Variants in DMAC2 observed in about 807,000 individuals in gnomAD.
The protein encoded by DMAC2 is distal membrane arm assembly component 2, also known as distal membrane-arm assembly complex protein 2.
A neutral mutation model predicts 29.6 loss-of-function variants in DMAC2; 32 were observed. The observed-to-expected ratio is 1.08, with a 90% CI of 0.81 to 1.45. The LOEUF (loss-of-function observed/expected upper bound fraction) is 1.45, where lower values mean the gene tolerates loss of function less well. Ranked by LOEUF, DMAC2 falls within the 40% of genes most tolerant of loss-of-function variation. DMAC2 has a pLI of 0.00. For synonymous variants in DMAC2, 133 were observed against 137.4 expected (o/e 0.97, Z 0.23); for missense variants, 319 against 340.0 (o/e 0.94, Z 0.49).
intron 3 of DMAC2, among the ~76,000 whole-genome samples, chr19:41,434,538 T>C (rs2122227097): frequency 1.3e-5 from 2 of 152,232 alleles, no homozygotes; most frequent in South Asian, 2.1e-4. Context: ...AAGGGACATT[T>C]TCAAACATGT....
In DMAC2 at chr19:41,432,202, A is replaced by C. The variant is rs1352483497; in HGVS notation, c.*29T>G. 6 of 1,600,766 alleles carry C rather than the reference A, an allele frequency of 3.7e-6. No homozygotes were observed. The highest frequency in any genetic ancestry group is 5.1e-6 in the Non-Finnish European group (6 of 1,171,560). On this transcript the variant is annotated 3_prime_UTR_variant, in exon 6 of 6. Transcript: ENST00000221943. ...AGACATTCCATGCAGCCCGCTGAGAAGCCACGTGAGTGGGGACAGGGCTAA... is the reference window on the plus strand; with the variant it reads ...AGACATTCCATGCAGCCCGCTGAGACGCCACGTGAGTGGGGACAGGGCTAA...
chr19:41,438,120 C>G, intron 2 of DMAC2, 98 bp downstream of exon 2: 5 of 1,142,584 alleles, frequency 4.4e-6, no homozygotes, highest in Non-Finnish European at 6.4e-6. Flanking sequence ...TCAAGGCTGG[C>G]ACTGGAAGCC....
chr19:41,439,333 TG>T lies in DMAC2; in HGVS notation c.18+548del, dbSNP rs1224015046. The T allele has an allele frequency of 3.8e-5, 22 of 575,104 alleles. No individual in the cohort carries two copies. In the African/African-American group the frequency reaches 4.2e-4, roughly 11 times the overall value. 35.6% of individuals were successfully genotyped at this position (575,104 alleles called of 1,614,324 possible). A position where few individuals can be genotyped will look rare whatever the true frequency, so the allele number is the denominator to read the frequency against. ...ATTCATTCCTTGATTTTAAATCCTC[TG>T]AAAGAATATCTCAAATTCTCCTCTT... On this transcript the variant is annotated intron_variant, in intron 1 of 5. Coordinates refer to ENST00000221943, the MANE Select transcript of DMAC2 (RefSeq NM_018035.3).
rs781877641 is a variant in DMAC2 at position 41,431,350 on chromosome 19, T to C, written c.*881A>G. The C allele has an allele frequency of 1.7e-5, 9 of 516,182 alleles. No homozygotes were observed. Among genetic ancestry groups the C allele is most frequent in the Non-Finnish European group, 3.5e-5 (9 of 257,814 alleles). 32.0% of individuals were successfully genotyped at this position (516,182 alleles called of 1,614,324 possible). A position where few individuals can be genotyped will look rare whatever the true frequency, so the allele number is the denominator to read the frequency against. ...AACAGGGAAAGTTTAATATAGAGAA[T>C]TACTGGCTTTAACAGTGAACTGGAA... On this transcript the variant is annotated 3_prime_UTR_variant, in exon 6 of 6. Transcript: ENST00000221943.
At chr19:41,439,329 C>T (rs1555772265) in intron 1 of DMAC2, 5 of 557,944 alleles carry the variant, frequency 9.0e-6, no homozygotes, top group Admixed American at 3.6e-5. Context: ...GATTTTAAAT[C>T]CTCTGAAAGA....
chr19:41,432,855 AGTGTGTGTGCGTGCGTGT>A (rs1379743286), intron 5 of DMAC2: 8 of 478,406 alleles, frequency 1.7e-5, no homozygotes, highest in African/African-American at 9.6e-5. Flanking sequence ...CTTACAGGAC[AGTGTGTGTGCGTGCGTGT>A]GTGTGTGTGC....
Position 41,431,446 on chromosome 19 carries a change from T to C in DMAC2, c.*785A>G, listed in dbSNP as rs1355896857. 1 of 402,142 alleles carries C rather than the reference T, an allele frequency of 2.5e-6. No individual in the cohort carries two copies. The highest frequency in any genetic ancestry group is 5.0e-6 in the Non-Finnish European group (1 of 201,402). 24.9% of individuals were successfully genotyped at this position (402,142 alleles called of 1,614,324 possible). A position where few individuals can be genotyped will look rare whatever the true frequency, so the allele number is the denominator to read the frequency against. ...CCATTTGGGGTGCTGGGGAACGTTATTCCCAGAGAGGTGCCTCAGTGGAGG... is the reference window on the plus strand; with the variant it reads ...CCATTTGGGGTGCTGGGGAACGTTACTCCCAGAGAGGTGCCTCAGTGGAGG... On this transcript the variant is annotated 3_prime_UTR_variant, in exon 6 of 6. Coordinates refer to ENST00000221943, the MANE Select transcript of DMAC2 (RefSeq NM_018035.3).
intron 5 of DMAC2, 62 bp downstream of exon 5, chr19:41,433,210 T>A: frequency 1.2e-5 from 18 of 1,507,840 alleles, no homozygotes; most frequent in Non-Finnish European, 1.6e-5. Context: ...CTTCCTCTCC[T>A]GCATCTGGGT....
intron 2 of DMAC2, among the ~76,000 whole-genome samples, chr19:41,437,725 A>C (rs563094188): frequency 2.7e-3 from 404 of 152,176 alleles, no homozygotes; most frequent in Non-Finnish European, 4.6e-3. Context: ...GAGTATGGGA[A>C]CAAAAACCCA....
intron 3 of DMAC2, among the ~76,000 whole-genome samples, chr19:41,436,116 T>G (rs1438984747): frequency 1.3e-5 from 2 of 152,190 alleles, no homozygotes; most frequent in Non-Finnish European, 2.9e-5. Flanking sequence ...CCTCAGGTGA[T>G]CCGCCCGCCT....
At chr19:41,439,464 C>T in intron 1 of DMAC2, 1 of 1,536,270 alleles carries the variant, frequency 6.5e-7, no homozygotes, top group East Asian at 2.4e-5. Flanking sequence ...CTCCCACTAA[C>T]TTTCCTTACA....
rs1555772582 is a variant in DMAC2 at position 41,439,906 on chromosome 19, A to G, written c.-7T>C. 9 of 1,614,154 alleles carry G rather than the reference A, an allele frequency of 5.6e-6. No individual in the cohort carries two copies. Among genetic ancestry groups the G allele is most frequent in the East Asian group, 4.5e-5 (2 of 44,878 alleles). Reference sequence around the variant, plus strand: ...CCGCCCAGGGAGCCGCCATCTTGCTAAGGTTTCGTAACCGGAAGGGGCCGG... The same window carrying G: ...CCGCCCAGGGAGCCGCCATCTTGCTGAGGTTTCGTAACCGGAAGGGGCCGG... On this transcript the variant is annotated 5_prime_UTR_variant, in exon 1 of 6. Transcript: ENST00000221943.
In DMAC2 at chr19:41,433,348, C is replaced by T. The variant is rs146440946; in HGVS notation, c.520G>A (p.Asp174Asn). 5.4e-5 allele frequency: 87 copies of T among 1,612,690 alleles called. No homozygotes were observed. The highest frequency in any genetic ancestry group is 2.5e-4 in the African/African-American group (19 of 75,034). Reference protein sequence around the residue: ...WCLSRLYPLADSLQELSLAGC... With the variant: ...WCLSRLYPLANSLQELSLAGC... ...GCCAGCGAGAGCTCCTGCAACGAGT[C>T]GGCCAGTGGGTAGAGGCGGCTGAGA... The change falls in exon 5 of 6, where the codon GAC (aspartate) becomes AAC (asparagine). Residue 174 changes from aspartate (D) to asparagine (N), a missense_variant. Asp to Asn is a conservative substitution (Grantham distance 23). Transcript: ENST00000221943.
At chr19:41,436,368 G>A (rs2231942) in intron 3 of DMAC2, 24 bp downstream of exon 3, 45,794 of 1,609,152 alleles carry the variant, frequency 0.028, 821 homozygotes, top group Non-Finnish European at 0.035. Flanking sequence ...GCCCCAGCCC[G>A]TTCTAACACC....
Position 41,431,889 on chromosome 19 carries a change from C to A in DMAC2, c.*342G>T. 3.1e-6 allele frequency: 1 copy of A among 326,870 alleles called. No homozygotes were observed. The allele number at this position is 326,870 out of a possible 1,614,324, so 20.2% of individuals were successfully genotyped here. On this transcript the variant is annotated 3_prime_UTR_variant, in exon 6 of 6. Transcript: ENST00000221943. Reference sequence around the variant, plus strand: ...GTAGCCCCTGTGTCAGTCAGGGTCCCTGCAAGAAATGGCAGTGCACTCACA... The same window carrying A: ...GTAGCCCCTGTGTCAGTCAGGGTCCATGCAAGAAATGGCAGTGCACTCACA...
chr19:41,436,388 A>T lies in DMAC2; in HGVS notation c.296+4T>A, dbSNP rs374163857. 99 of 1,614,026 alleles carry T rather than the reference A, an allele frequency of 6.1e-5. 2 individuals carry two copies. The Middle Eastern group carries it at 8.2e-4, about 13-fold the overall frequency. Reference sequence around the variant, plus strand: ...AGCCCGTTCTAACACCTTAGCGGTCATACTTGACTGCGCCTCCCTGCTTCA... The same window carrying T: ...AGCCCGTTCTAACACCTTAGCGGTCTTACTTGACTGCGCCTCCCTGCTTCA... On this transcript the variant is annotated splice_donor_region_variant and intron_variant, in intron 3 of 5. Transcript: ENST00000221943.
intron 4 of DMAC2, 42 bp downstream of exon 4, chr19:41,433,494 GA>G: frequency 6.2e-7 from 1 of 1,613,556 alleles, no homozygotes; most frequent in Middle Eastern, 1.6e-4. Flanking sequence ...TCACCAAAGG[GA>G]AAACATAGAG....
intron 1 of DMAC2, chr19:41,439,651 C>T: frequency 7.3e-7 from 1 of 1,376,960 alleles, no homozygotes; most frequent in Non-Finnish European, 9.9e-7. Context: ...TGGATACTCT[C>T]AGCCAAGTCC....
intron 3 of DMAC2, among the ~76,000 whole-genome samples, chr19:41,435,562 GC>G (rs1426641210): frequency 6.7e-6 from 1 of 150,010 alleles, no homozygotes; most frequent in African/African-American, 2.5e-5. Flanking sequence ...GAGCCACCGC[GC>G]CCGGCCTATT....
Sources: allele counts gnomAD v4.1 joint callset (sites outside exome capture counted in the v4.1 genomes callset), GRCh38; gene constraint gnomAD v4.1.1; transcripts MANE v1.5; gene names NCBI Gene and HGNC (gene_info 2026-07-23, HGNC 2026-07-21).